Variants in OR10K2 observed in about 807,000 individuals in gnomAD.
OR10K2 encodes the protein olfactory receptor 10K2.
For synonymous variants in OR10K2, 169 were observed against 146.4 expected (o/e 1.15, Z -1.11); for missense variants, 401 against 367.1 (o/e 1.09, Z -0.76).
In OR10K2 at chr1:158,420,147, G is replaced by A. The variant is rs1382851756; in HGVS notation, c.720C>T (p.Thr240=). 6.2e-7 allele frequency: 1 copy of A among 1,613,654 alleles called. No homozygotes were observed. The highest frequency in any genetic ancestry group is 1.1e-5 in the South Asian group (1 of 91,078). Residue 240 remains threonine (T), a synonymous_variant, in exon 2 of 2, where the codon ACC becomes ACT. Coordinates refer to ENST00000641042, the MANE Select transcript of OR10K2 (RefSeq NM_001004476.2). ...STLGRCKAFS[T]CVSHLIIVTV... The stretch of plus-strand genomic sequence containing the variant: ...TGACAATAATGAGGTGAGATACACA[G>A]GTAGAAAAAGCTTTGCACCTACCCA...
At position 158,418,729 on chromosome 1, in the gene OR10K2, G is replaced by C. The variant is rs1372611650; in HGVS notation, c.*1199C>G. The C allele has an allele frequency of 6.6e-6, 1 of 152,124 alleles. No homozygotes were observed. Among genetic ancestry groups the C allele is most frequent in the African/African-American group, 2.4e-5 (1 of 41,432 alleles). 9.4% of individuals were successfully genotyped at this position (152,124 alleles called of 1,614,324 possible). On this transcript the variant is annotated 3_prime_UTR_variant, in exon 2 of 2. Transcript: ENST00000641042. ...AGACTTTTATTGACAGGTGGATCTTGAAAAGAGTTATAATGTGAGAAATCA... is the reference window on the plus strand; with the variant it reads ...AGACTTTTATTGACAGGTGGATCTTCAAAAGAGTTATAATGTGAGAAATCA...
chr1:158,424,508 T>A (rs987715039), intron 1 of OR10K2, among the ~76,000 whole-genome samples: 7 of 152,114 alleles, frequency 4.6e-5, no homozygotes, highest in Non-Finnish European at 8.8e-5. Flanking sequence ...TTTAGAATTA[T>A]CTTGTAATAA....
At chr1:158,422,629 A>G (rs1234260314) in intron 1 of OR10K2, among the ~76,000 whole-genome samples, 1 of 152,128 alleles carries the variant, frequency 6.6e-6, no homozygotes, top group African/African-American at 2.4e-5. Flanking sequence ...TATTATTAAA[A>G]TCACCTTAAC....
chr1:158,424,740 T>C (rs979950941), intron 1 of OR10K2, among the ~76,000 whole-genome samples: 2 of 150,628 alleles, frequency 1.3e-5, no homozygotes, highest in African/African-American at 4.9e-5. Flanking sequence ...GTACAATCTG[T>C]GTGTGTGTGT....
In OR10K2 at chr1:158,423,813, G is replaced by A. The variant is rs890599989; in HGVS notation, c.-62+2120C>T. Among the ~76,000 whole-genome samples, 5 of 151,986 alleles carry A rather than the reference G, an allele frequency of 3.3e-5. No homozygotes were observed. The East Asian group carries it at 9.6e-4, about 29-fold the overall frequency. ...TTCCACGGAGTTCTGTTTTGCTCTT[G>A]AAGGGAGGCCATACATATTTAGGCA... On this transcript the variant is annotated intron_variant, in intron 1 of 1. Coordinates refer to ENST00000641042, the MANE Select transcript of OR10K2 (RefSeq NM_001004476.2).
In OR10K2 at chr1:158,426,018, T is replaced by A. The variant is rs933234679; in HGVS notation, c.-147A>T. ...TTGCCCAGTTTCTCAAGGTTGTAGA[T>A]GCTTAGTCCAAGCAAGATGGATGTC... On this transcript the variant is annotated 5_prime_UTR_variant, in exon 1 of 2. Transcript: ENST00000641042. The A allele has an allele frequency of 6.6e-6, 1 of 152,160 alleles. No homozygotes were observed. The highest frequency in any genetic ancestry group is 6.6e-5 in the Admixed American group (1 of 15,240). 9.4% of individuals were successfully genotyped at this position (152,160 alleles called of 1,614,324 possible). A position where few individuals can be genotyped will look rare whatever the true frequency, so the allele number is the denominator to read the frequency against.
chr1:158,423,357 CA>C (rs1655194428), intron 1 of OR10K2, among the ~76,000 whole-genome samples: 1 of 151,546 alleles, frequency 6.6e-6, no homozygotes, highest in Admixed American at 6.6e-5. Context: ...ATTTTCCTCT[CA>C]CAAGCACATG....
chr1:158,421,779 G>C (rs959114289), intron 1 of OR10K2, among the ~76,000 whole-genome samples: 1 of 152,084 alleles, frequency 6.6e-6, no homozygotes, highest in African/African-American at 2.4e-5. Context: ...TATGGCTATA[G>C]TATAGAGTTC....
rs539526769 is a variant in OR10K2, at chr1:158,424,836, G to C, written c.-62+1097C>G. 1.1e-4 allele frequency among the ~76,000 whole-genome samples: 17 copies of C among 151,944 alleles called. No individual in the cohort carries two copies. The South Asian group carries it at 3.5e-3, about 31-fold the overall frequency. On this transcript the variant is annotated intron_variant, in intron 1 of 1. Transcript: ENST00000641042. ...AGGAAAAGACTTCTGCTACAATTTT[G>C]TTATGGCCTCAGTTTTCAACTTTGC...
chr1:158,421,559 T>C (rs772405845), intron 1 of OR10K2, among the ~76,000 whole-genome samples: 5 of 152,134 alleles, frequency 3.3e-5, no homozygotes, highest in Non-Finnish European at 5.9e-5. Flanking sequence ...AATACCTATA[T>C]CAGAGTCTTT....
chr1:158,421,015 G>GC, intron 1 of OR10K2, 88 bp from the exon 2 acceptor site: 1 of 730,168 alleles, frequency 1.4e-6, no homozygotes, highest in Non-Finnish European at 2.2e-6. Context: ...CCTCCCTCTT[G>GC]TTTTTCCAAG....
chr1:158,420,859 C>A lies in OR10K2; in HGVS notation c.8G>T (p.Arg3Leu). ME[R>L]VNETVVREVI... ...CTCTCTCACCACAGTCTCATTGACC[C>A]GCTCCATGGAGCATACATCATCAGG... Residue 3 changes from arginine to leucine, a missense_variant, in exon 2 of 2, where the codon CGG (arginine) becomes CTG (leucine). Physicochemically the swap from Arg to Leu is moderately radical, Grantham distance 102 (BLOSUM62 -2). Transcript: ENST00000641042. 6.2e-7 allele frequency: 1 copy of A among 1,612,802 alleles called. No homozygotes were observed. Among genetic ancestry groups the A allele is most frequent in the Non-Finnish European group, 8.5e-7 (1 of 1,179,396 alleles).
rs1292665983 is a variant in OR10K2, at chr1:158,420,127, A to G, written c.740T>C (p.Ile247Thr). The G allele has an allele frequency of 1.2e-6, 2 of 1,613,636 alleles. No individual in the cohort carries two copies. Among genetic ancestry groups the G allele is most frequent in the Admixed American group, 1.7e-5 (1 of 59,888 alleles). Residue 247 changes from isoleucine to threonine, a missense_variant, in exon 2 of 2, where the codon ATT (isoleucine) becomes ACT (threonine). Physicochemically the swap from Ile to Thr is moderately conservative, Grantham distance 89. Coordinates refer to ENST00000641042, the MANE Select transcript of OR10K2 (RefSeq NM_001004476.2). ...AFSTCVSHLI[I>T]VTVHYGCASF... ...GGCACAGCCATAGTGGACAGTGACA[A>G]TAATGAGGTGAGATACACAGGTAGA...
rs1460066080 is a variant in OR10K2, at chr1:158,420,623, G to A, written c.244C>T (p.Leu82=). The part of the protein sequence containing the change: ...CYTFIIVPKM[L]VDLLSQKKTI... ...TTCTTCTGGGACAGCAGGTCAACCAGCATCTTGGGTACAATGATGAAGGTG... is the reference window on the plus strand; with the variant it reads ...TTCTTCTGGGACAGCAGGTCAACCAACATCTTGGGTACAATGATGAAGGTG... Residue 82 remains leucine (L), a synonymous_variant, in exon 2 of 2, where the codon CTG becomes TTG. Coordinates refer to ENST00000641042, the MANE Select transcript of OR10K2 (RefSeq NM_001004476.2). 5.6e-6 allele frequency: 9 copies of A among 1,613,806 alleles called. No homozygotes were observed. Among genetic ancestry groups the A allele is most frequent in the Non-Finnish European group, 7.6e-6 (9 of 1,179,922 alleles).
chr1:158,418,586 G>A lies in OR10K2; in HGVS notation c.*1342C>T, dbSNP rs992596027. ...AGATGTCCTACAATAAACAGGGCCT[G>A]TGAACAAAACATTCCACTTCCTTCC... On this transcript the variant is annotated 3_prime_UTR_variant, in exon 2 of 2. Coordinates refer to ENST00000641042, the MANE Select transcript of OR10K2 (RefSeq NM_001004476.2). The A allele has an allele frequency of 6.6e-6, 1 of 152,118 alleles. No homozygotes were observed. The highest frequency in any genetic ancestry group is 2.4e-5 in the African/African-American group (1 of 41,430). The allele number at this position is 152,118 out of a possible 1,614,324, so 9.4% of individuals were successfully genotyped here.
Position 158,420,483 on chromosome 1 carries a change from G to C in OR10K2, c.384C>G (p.Asn128Lys). 1.2e-6 allele frequency: 2 copies of C among 1,613,888 alleles called. No homozygotes were observed. Residue 128 changes from asparagine (N) to lysine (K), a missense_variant, in exon 2 of 2, where the codon AAC (asparagine) becomes AAG (lysine). Asn to Lys is a moderately conservative substitution (Grantham distance 94). Transcript: ENST00000641042. ...MGYDRYIAIC[N>K]PLRYSVLMGH... ...CCATTAGCACTGAGTAGCGCAGTGG[G>C]TTACAGATGGCTATGTAACGATCAT... is the stretch of plus-strand genomic sequence containing the variant.
In OR10K2 at chr1:158,419,611, A is replaced by AT. The variant is rs35350080; in HGVS notation, c.*316dup. ...ACGGTTTGGAAAGAGCAGAATCAAG[A>AT]TTTTTTTTTTTTTTTTTTTTTGAGA... On this transcript the variant is annotated 3_prime_UTR_variant, in exon 2 of 2. Coordinates refer to ENST00000641042, the MANE Select transcript of OR10K2 (RefSeq NM_001004476.2). 0.29 allele frequency: 36,404 copies of AT among 124,460 alleles called. 6,854 individuals are homozygous for AT. Among genetic ancestry groups the AT allele is most frequent in the Non-Finnish European group, 0.35 (21,734 of 61,448 alleles). 7.7% of individuals were successfully genotyped at this position (124,460 alleles called of 1,614,324 possible).
At chr1:158,421,824 G>C (rs544025759) in intron 1 of OR10K2, among the ~76,000 whole-genome samples, 2 of 152,128 alleles carry the variant, frequency 1.3e-5, no homozygotes, top group East Asian at 3.9e-4. Flanking sequence ...CTTTCCTTTG[G>C]GGAAATAAAC....
rs1357730701 is a variant in OR10K2, at chr1:158,418,960, T to C, written c.*968A>G. ...CTTTAGCTTGCCTTGCCTGGTCATT[T>C]AGGGTGATTTTAGGTCTTGTCATTA... On this transcript the variant is annotated 3_prime_UTR_variant, in exon 2 of 2. Transcript: ENST00000641042. 1 of 152,130 alleles carries C rather than the reference T, an allele frequency of 6.6e-6. No individual in the cohort carries two copies. Among genetic ancestry groups the C allele is most frequent in the Non-Finnish European group, 1.5e-5 (1 of 68,008 alleles). 9.4% of individuals were successfully genotyped at this position (152,130 alleles called of 1,614,324 possible).
Sources: gnomAD v4.1 joint callset for allele counts (sites outside exome capture counted in the v4.1 genomes callset) on GRCh38, gnomAD v4.1.1 for gene constraint, MANE v1.5 for transcripts, NCBI Gene and HGNC (gene_info 2026-07-23, HGNC 2026-07-21) for gene names.